CRB1: variants seen among roughly 807,000 people sequenced by gnomAD.
The protein encoded by CRB1 is protein crumbs homolog 1.
Under a neutral mutation model 120.0 loss-of-function variants are expected in CRB1, and 83 were observed. The ratio of observed to expected loss-of-function variants is 0.69; its 90% CI spans 0.58 to 0.83. The LOEUF is 0.83. Among genes scored for constraint, CRB1 ranks in the 40% least tolerant of loss-of-function variants. CRB1 has a pLI of 0.00. For synonymous variants in CRB1, 625 were observed against 612.5 expected (o/e 1.02, Z -0.30); for missense variants, 1,699 against 1,687.6 (o/e 1.01, Z -0.12).
chr1:197,359,300 G>T (rs1660652805), intron 5 of CRB1, among the ~76,000 whole-genome samples: 1 of 151,494 alleles, frequency 6.6e-6, no homozygotes, highest in Non-Finnish European at 1.5e-5. Flanking sequence ...GTCATTCCAA[G>T]AATGTTATAT....
At chr1:197,319,419 T>G (rs1438915326) in intron 1 of CRB1, among the ~76,000 whole-genome samples, 1 of 95,188 alleles carries the variant, frequency 1.1e-5, no homozygotes, top group Non-Finnish European at 1.8e-5. Context: ...GGTGACAGAG[T>G]GAGACTCCAT....
At chr1:197,308,489 C>T (rs1200228794) in intron 1 of CRB1, among the ~76,000 whole-genome samples, 2 of 152,106 alleles carry the variant, frequency 1.3e-5, no homozygotes, top group African/African-American at 4.8e-5. Context: ...ATAGGTTGTA[C>T]ATTGTAAGAT....
intron 11 of CRB1, among the ~76,000 whole-genome samples, chr1:197,468,484 T>C (rs1666843303): frequency 6.6e-6 from 1 of 152,124 alleles, no homozygotes; most frequent in Non-Finnish European, 1.5e-5. Context: ...CAACAAACTT[T>C]CTGGGTTCTA....
At position 197,429,440 on chromosome 1, in the gene CRB1, T is replaced by G. The variant is rs1664764166; in HGVS notation, c.2677-9T>G. The G allele has an allele frequency of 1.2e-6, 2 of 1,613,922 alleles. No homozygotes were observed. Among genetic ancestry groups the G allele is most frequent in the South Asian group, 2.2e-5 (2 of 91,078 alleles). Reference sequence around the variant, plus strand: ...TGCTTTTTATACCTTTGATTTCTTTTCTGCTCAGTCCAACCCCTGTCACAA... The same window carrying G: ...TGCTTTTTATACCTTTGATTTCTTTGCTGCTCAGTCCAACCCCTGTCACAA... On this transcript the variant is annotated splice_polypyrimidine_tract_variant and intron_variant, in intron 7 of 11. Transcript: ENST00000367400.
chr1:197,206,892 A>T, the CRB1 span, among the ~76,000 whole-genome samples: 1 of 152,118 alleles, frequency 6.6e-6, no homozygotes, highest in African/African-American at 2.4e-5. Context: ...GTCTAGTAGT[A>T]ATTGTTTTGT....
At chr1:197,275,182 C>T (rs74967780) in intron 1 of CRB1, among the ~76,000 whole-genome samples, 2,266 of 152,124 alleles carry the variant, frequency 0.015, 53 homozygotes, top group African/African-American at 0.047. Context: ...GGAGTAGATT[C>T]ACCCTAATGA....
the CRB1 span, among the ~76,000 whole-genome samples, chr1:197,203,592 T>G: frequency 1.3e-5 from 2 of 152,164 alleles, no homozygotes; most frequent in Non-Finnish European, 2.9e-5. Flanking sequence ...CCCAAAGAGC[T>G]GGGATTATAG....
intron 2 of CRB1, among the ~76,000 whole-genome samples, chr1:197,331,530 C>A (rs1234778451): frequency 6.6e-6 from 1 of 151,982 alleles, no homozygotes; most frequent in Admixed American, 6.6e-5. Flanking sequence ...GGAGTTATGG[C>A]AGGTGAATTT....
chr1:197,452,910 A>G (rs751317275), intron 11 of CRB1, among the ~76,000 whole-genome samples: 38 of 152,320 alleles, frequency 2.5e-4, no homozygotes, highest in Non-Finnish European at 3.7e-4. Flanking sequence ...TGAAATCAGG[A>G]TTTCAAAGAC....
At chr1:197,395,497 T>C (rs1269358768) in intron 5 of CRB1, among the ~76,000 whole-genome samples, 1 of 152,072 alleles carries the variant, frequency 6.6e-6, no homozygotes, top group Non-Finnish European at 1.5e-5. Context: ...TGGAAATAAG[T>C]CCCAAGTTGG....
chr1:197,256,805 A>T, the CRB1 span, among the ~76,000 whole-genome samples: 11 of 148,854 alleles, frequency 7.4e-5, 1 homozygote, highest in Admixed American at 5.3e-4. Context: ...AAAGTATAAT[A>T]AAAAAAAAGA....
chr1:197,407,144 A>G, intron 5 of CRB1, among the ~76,000 whole-genome samples: 1 of 152,220 alleles, frequency 6.6e-6, no homozygotes, highest in South Asian at 2.1e-4. Context: ...AGATTGTACT[A>G]AGAAAGAATG....
At chr1:197,355,303 G>A (rs538870085) in intron 4 of CRB1, among the ~76,000 whole-genome samples, 20 of 152,322 alleles carry the variant, frequency 1.3e-4, no homozygotes, top group South Asian at 4.1e-4. Flanking sequence ...GACATAATCC[G>A]TACTAGACTC....
chr1:197,329,333 A>G (rs1658718521), intron 2 of CRB1, among the ~76,000 whole-genome samples: 1 of 152,194 alleles, frequency 6.6e-6, no homozygotes, highest in Non-Finnish European at 1.5e-5. Context: ...TTCCAGTTCA[A>G]GCCTGCTTTC....
intron 1 of CRB1, among the ~76,000 whole-genome samples, chr1:197,320,359 A>G (rs1029283498): frequency 6.6e-6 from 1 of 152,190 alleles, no homozygotes; most frequent in African/African-American, 2.4e-5. Flanking sequence ...TAGGCTATTC[A>G]GTGTGTGCCA....
chr1:197,204,079 A>G, the CRB1 span, among the ~76,000 whole-genome samples: 1 of 152,194 alleles, frequency 6.6e-6, no homozygotes, highest in African/African-American at 2.4e-5. Flanking sequence ...CTTCACTTAG[A>G]ATAATAGTCT....
the CRB1 span, among the ~76,000 whole-genome samples, chr1:197,230,454 AT>A: frequency 1.3e-5 from 2 of 151,898 alleles, no homozygotes; most frequent in African/African-American, 4.8e-5. Context: ...CAAATTCTTC[AT>A]TTTTTTTCTA....
intron 3 of CRB1, among the ~76,000 whole-genome samples, chr1:197,345,301 A>C (rs1295502563): frequency 6.6e-6 from 1 of 152,122 alleles, no homozygotes; most frequent in African/African-American, 2.4e-5. Flanking sequence ...CCATATTACA[A>C]TAAGGAGTCT....
intron 2 of CRB1, among the ~76,000 whole-genome samples, chr1:197,338,811 C>T (rs992832957): frequency 3.9e-5 from 6 of 151,954 alleles, no homozygotes; most frequent in Non-Finnish European, 8.8e-5. Flanking sequence ...TTTATAAAGA[C>T]AAATTTTCTG....
Sources: allele counts gnomAD v4.1 joint callset (sites outside exome capture counted in the v4.1 genomes callset), GRCh38; gene constraint gnomAD v4.1.1; transcripts MANE v1.5; gene names NCBI Gene and HGNC (gene_info 2026-07-23, HGNC 2026-07-21).